SLC35F1: variants seen among roughly 807,000 people sequenced by gnomAD.
The protein encoded by SLC35F1 is chromosome 6 open reading frame 169.
SLC35F1 carries 14 observed loss-of-function variants against 48.7 expected under a neutral mutation model. The ratio of observed to expected loss-of-function variants is 0.29; its 90% confidence interval spans 0.19 to 0.45. The LOEUF (loss-of-function observed/expected upper bound fraction) is 0.45, where lower values mean the gene tolerates loss of function less well. SLC35F1 is among the 20% of genes least tolerant of loss of function. SLC35F1 has a pLI of 1.00. For missense variants in SLC35F1, 404 were observed against 500.0 expected (o/e 0.81, Z 1.83); for synonymous variants, 190 against 202.2 (o/e 0.94, Z 0.51).
intron 1 of SLC35F1, among the ~76,000 whole-genome samples, chr6:117,930,345 A>G (rs1032722262): frequency 1.3e-5 from 2 of 152,132 alleles, no homozygotes; most frequent in African/African-American, 2.4e-5. Flanking sequence ...TCTGCAGAGG[A>G]AGGCAGGACT....
intron 2 of SLC35F1, among the ~76,000 whole-genome samples, chr6:118,196,103 A>G (rs115853751): frequency 0.014 from 2,125 of 152,354 alleles, 39 homozygotes; most frequent in African/African-American, 0.049. Flanking sequence ...AAAGTGACGT[A>G]TGGAAATCAG....
rs1413596049 is a variant in SLC35F1, at chr6:117,996,060, A to G, written c.173+88161A>G. 2.0e-5 allele frequency among the ~76,000 whole-genome samples: 3 copies of G among 152,236 alleles called. No individual in the cohort carries two copies. The East Asian group carries it at 5.8e-4, about 29-fold the overall frequency. ...TGGCTGATGGAACATTACAAAGAGT[A>G]TCATGCACATTTAATTTCTTCATAT... On this transcript the variant is annotated intron_variant, in intron 1 of 7. Coordinates refer to ENST00000360388, the MANE Select transcript of SLC35F1 (RefSeq NM_001029858.4).
chr6:118,292,636 A>C (rs1329341310), intron 7 of SLC35F1, among the ~76,000 whole-genome samples: 5 of 151,904 alleles, frequency 3.3e-5, no homozygotes, highest in African/African-American at 1.2e-4. Context: ...TTATCCACGC[A>C]GAACTAAATG....
At chr6:118,108,651 T>C (rs1471869561) in intron 1 of SLC35F1, among the ~76,000 whole-genome samples, 1 of 152,190 alleles carries the variant, frequency 6.6e-6, no homozygotes, top group Non-Finnish European at 1.5e-5. Context: ...TTCCCTGAAA[T>C]ACCTTATGTG....
intron 1 of SLC35F1, among the ~76,000 whole-genome samples, chr6:117,924,925 T>A (rs1776008968): frequency 6.6e-6 from 1 of 152,176 alleles, no homozygotes; most frequent in Non-Finnish European, 1.5e-5. Context: ...TAAGCATGTC[T>A]GCAGAAGAAG....
chr6:118,305,836 G>C (rs924308969), intron 7 of SLC35F1, among the ~76,000 whole-genome samples: 1 of 152,180 alleles, frequency 6.6e-6, no homozygotes, highest in Non-Finnish European at 1.5e-5. Flanking sequence ...TGGTCACATG[G>C]TTGCAGCTGG....
intron 6 of SLC35F1, among the ~76,000 whole-genome samples, chr6:118,279,404 A>G (rs1199334699): frequency 6.6e-6 from 1 of 152,188 alleles, no homozygotes; most frequent in Admixed American, 6.6e-5. Context: ...CTTGGTCCTC[A>G]TTATCTCGCC....
At chr6:118,172,674 G>A (rs1774423998) in intron 2 of SLC35F1, among the ~76,000 whole-genome samples, 2 of 151,960 alleles carry the variant, frequency 1.3e-5, no homozygotes, top group South Asian at 4.2e-4. Flanking sequence ...AAAAAAATGG[G>A]GATATCTGTC....
chr6:118,144,811 T>A (rs1773948144), intron 1 of SLC35F1, among the ~76,000 whole-genome samples: 1 of 152,188 alleles, frequency 6.6e-6, no homozygotes, highest in African/African-American at 2.4e-5. Flanking sequence ...AATTGACCCT[T>A]GTGCAATCAC....
In SLC35F1 at chr6:117,908,155, T is replaced by C. The variant is rs554902008; in HGVS notation, c.173+256T>C. ...GTTCGGGGAGAGGCGGGGTTTTTCGTACCTAGCCACCCTGTATGTGTGTCC... is the reference window on the plus strand; with the variant it reads ...GTTCGGGGAGAGGCGGGGTTTTTCGCACCTAGCCACCCTGTATGTGTGTCC... On this transcript the variant is annotated intron_variant, in intron 1 of 7. Transcript: ENST00000360388. Among the ~76,000 whole-genome samples the C allele has an allele frequency of 4.5e-3, 680 of 152,244 alleles. 3 individuals are homozygous for C. Among genetic ancestry groups the C allele is most frequent in the Non-Finnish European group, 6.1e-3 (412 of 67,994 alleles).
intron 7 of SLC35F1, among the ~76,000 whole-genome samples, chr6:118,304,173 TAAAC>T (rs1382664637): frequency 6.6e-6 from 1 of 152,152 alleles, no homozygotes; most frequent in East Asian, 1.9e-4. Context: ...TCAAAATTGA[TAAAC>T]AATGTAAACA....
chr6:118,278,286 A>C (rs1267009940), intron 6 of SLC35F1, among the ~76,000 whole-genome samples: 1 of 152,202 alleles, frequency 6.6e-6, no homozygotes, highest in African/African-American at 2.4e-5. Flanking sequence ...ATTGCATGGA[A>C]AATGTGTGCA....
rs1201519851 is a variant in SLC35F1, at chr6:118,317,087, A to G, written c.*2835A>G. On this transcript the variant is annotated 3_prime_UTR_variant, in exon 8 of 8. Transcript: ENST00000360388. Reference sequence around the variant, plus strand: ...ATTTTCAGTTTCTAACTCCACCACCAATCTCTCCTCAATGAATAAGACTTT... The same window carrying G: ...ATTTTCAGTTTCTAACTCCACCACCGATCTCTCCTCAATGAATAAGACTTT... 5 of 152,654 alleles carry G rather than the reference A, an allele frequency of 3.3e-5. No individual in the cohort carries two copies. The East Asian group carries it at 9.6e-4, about 29-fold the overall frequency. 9.5% of individuals were successfully genotyped at this position (152,654 alleles called of 1,614,324 possible).
chr6:117,999,101 A>C (rs1777045866), intron 1 of SLC35F1: 3 of 1,559,756 alleles, frequency 1.9e-6, no homozygotes, highest in African/African-American at 2.7e-5. Context: ...CCTGAGGAAC[A>C]TGCGCTTTGC....
At position 117,949,587 on chromosome 6, in the gene SLC35F1, A is replaced by C. The variant is rs185439577; in HGVS notation, c.173+41688A>C. ...CCAGCAGTCCACGGCTCAGAAAAAA[A>C]GCCTCCATCCTTTAACACCATTCCT... On this transcript the variant is annotated intron_variant, in intron 1 of 7. Coordinates refer to ENST00000360388, the MANE Select transcript of SLC35F1 (RefSeq NM_001029858.4). Among the ~76,000 whole-genome samples the C allele has an allele frequency of 1.6e-3, 245 of 152,246 alleles. 1 individual carries two copies. Among genetic ancestry groups the C allele is most frequent in the African/African-American group, 5.6e-3 (232 of 41,534 alleles).
In SLC35F1 at chr6:118,277,498, A is replaced by G. The variant is rs751989308; in HGVS notation, c.799A>G (p.Ile267Val). The G allele has an allele frequency of 1.9e-6, 3 of 1,613,880 alleles. No individual in the cohort carries two copies. The highest frequency in any genetic ancestry group is 2.2e-5 in the South Asian group (2 of 91,084). ...GAFFSGIQLA[I>V]MEHKELLKVP... is the part of the protein sequence containing the mutation. The stretch of plus-strand genomic sequence containing the variant: ...TCATTTCCTTTGAATTTGCAGAGCT[A>G]TAATGGAGCATAAGGAACTGTTGAA... Residue 267 changes from isoleucine to valine, a missense_variant, in exon 6 of 8, where the codon ATA (isoleucine) becomes GTA (valine). Ile to Val is a conservative substitution (Grantham distance 29). Coordinates refer to ENST00000360388, the MANE Select transcript of SLC35F1 (RefSeq NM_001029858.4).
intron 5 of SLC35F1, 136 bp from the exon 6 acceptor site, chr6:118,277,358 C>T (rs1265733976): frequency 1.3e-6 from 1 of 785,050 alleles, no homozygotes; most frequent in African/African-American, 1.7e-5. Flanking sequence ...TTCTGCATGA[C>T]CCAAAATTCT....
At chr6:117,979,434 G>C (rs141745121) in intron 1 of SLC35F1, among the ~76,000 whole-genome samples, 1 of 152,298 alleles carries the variant, frequency 6.6e-6, no homozygotes, top group East Asian at 1.9e-4. Context: ...CTTAAGGATT[G>C]GTTTTGCCTC....
chr6:118,263,948 A>G (rs147338280), intron 3 of SLC35F1, among the ~76,000 whole-genome samples: 2 of 152,368 alleles, frequency 1.3e-5, no homozygotes, highest in African/African-American at 4.8e-5. Flanking sequence ...AGCTGTAGCA[A>G]TTAAATATTC....
Sources: gnomAD v4.1 joint callset for allele counts (sites outside exome capture counted in the v4.1 genomes callset) on GRCh38, gnomAD v4.1.1 for gene constraint, MANE v1.5 for transcripts, NCBI Gene and HGNC (gene_info 2026-07-23, HGNC 2026-07-21) for gene names.